The following UGT2B4 variants were observed in gnomAD, a reference collection of about 807,000 sequenced individuals.
The protein encoded by UGT2B4 is UDP glucuronosyltransferase family 2 member B4.
Under a neutral mutation model 49.8 loss-of-function variants are expected in UGT2B4, and 49 were observed. The observed-to-expected ratio is 0.98, with a 90% CI of 0.78 to 1.25. UGT2B4 has a LOEUF of 1.25. UGT2B4 is among the 50% of genes most tolerant of loss of function. UGT2B4 has a pLI of 0.00. For synonymous variants in UGT2B4, 246 were observed against 217.7 expected, an observed-to-expected ratio of 1.13 and a Z score of -1.14; for missense variants, 729 against 627.7, an observed-to-expected ratio of 1.16 and a Z score of -1.73.
chr4:69,520,367 G>A (rs1046435711), intron 1 of UGT2B4, among the ~76,000 whole-genome samples: 1 of 152,342 alleles, frequency 6.6e-6, no homozygotes, highest in East Asian at 1.9e-4. Context: ...CATGCTCCAC[G>A]GACTCAGTAG....
upstream of UGT2B4, among the ~76,000 whole-genome samples, chr4:69,500,508 G>A (rs371132900): frequency 9.9e-6 from 1 of 100,564 alleles, no homozygotes; most frequent in South Asian, 3.0e-4. Context: ...AAGAAAGAAG[G>A]AAGGAAGGAA....
At chr4:69,502,082 TCTTTCTCTC>T (rs1406355683) in intron 1 of UGT2B4, among the ~76,000 whole-genome samples, 13 of 79,108 alleles carry the variant, frequency 1.6e-4, no homozygotes, top group East Asian at 1.0e-3. Context: ...TTTCTTTCTT[TCTTTCTCTC>T]TCTTTCTTTC....
chr4:69,523,768 A>G (rs7673670), intron 1 of UGT2B4, among the ~76,000 whole-genome samples: 53,471 of 152,006 alleles, frequency 0.35, 9,513 homozygotes, highest in Non-Finnish European at 0.37. Flanking sequence ...CTCAAGTGAC[A>G]TATTTTTTCA....
chr4:69,508,490 G>C (rs1242541195), intron 1 of UGT2B4, among the ~76,000 whole-genome samples: 1 of 152,158 alleles, frequency 6.6e-6, no homozygotes, highest in Non-Finnish European at 1.5e-5. Flanking sequence ...AGAATATGTG[G>C]TACCTATACA....
chr4:69,507,189 T>C (rs1004647291), intron 1 of UGT2B4, among the ~76,000 whole-genome samples: 4 of 152,130 alleles, frequency 2.6e-5, no homozygotes, highest in African/African-American at 9.7e-5. Flanking sequence ...CTCTCACCAC[T>C]CCTAATCAAC....
chr4:69,516,586 A>T (rs2099285), intron 1 of UGT2B4, among the ~76,000 whole-genome samples: 19,694 of 152,058 alleles, frequency 0.13, 1,726 homozygotes, highest in Non-Finnish European at 0.19. Flanking sequence ...ATGATCAGTG[A>T]TGTGGACATT....
Position 69,480,698 on chromosome 4 carries a change from A to G in UGT2B4, c.1523T>C (p.Ile508Thr). Residue 508 changes from isoleucine (I) to threonine (T), a missense_variant, in exon 6 of 6, where the codon ATC becomes ACC. Transcript: ENST00000305107. The part of the protein sequence containing the change: ...LACVATVIFI[I>T]TKCLFCVWKF... ...CCAGACACAAAACAGACATTTTGTG[A>G]TGATGAATATCACAGTTGCCACACA... The G allele has an allele frequency of 1.2e-6, 2 of 1,614,048 alleles. No individual in the cohort carries two copies. The highest frequency in any genetic ancestry group is 2.2e-5 in the South Asian group (2 of 91,084).
intron 1 of UGT2B4, among the ~76,000 whole-genome samples, chr4:69,518,559 T>C (rs1398552591): frequency 1.3e-5 from 2 of 152,156 alleles, no homozygotes; most frequent in Non-Finnish European, 2.9e-5. Context: ...CAAACAGAAA[T>C]ACAATATGTC....
intron 5 of UGT2B4, among the ~76,000 whole-genome samples, chr4:69,484,588 T>C (rs1365438221): frequency 6.6e-6 from 1 of 152,140 alleles, no homozygotes; most frequent in Non-Finnish European, 1.5e-5. Flanking sequence ...GAGAATAATC[T>C]ATAGAGAAGG....
At chr4:69,491,202 A>G (rs1356174750) in intron 2 of UGT2B4, among the ~76,000 whole-genome samples, 4 of 151,938 alleles carry the variant, frequency 2.6e-5, no homozygotes, top group Non-Finnish European at 5.9e-5. Flanking sequence ...AAAACGTGTC[A>G]GCCTGTAATA....
At position 69,495,124 on chromosome 4, in the gene UGT2B4, T is replaced by C. The variant is rs1728105468; in HGVS notation, c.721+17A>G. ...GAAAGTTAGATCTTCATGTTACCAA[T>C]CAAAAAAGTTACTTACCTAGAACTT... On this transcript the variant is annotated intron_variant, in intron 1 of 5. Transcript: ENST00000305107. The C allele has an allele frequency of 6.6e-7, 1 of 1,508,196 alleles. No individual in the cohort carries two copies. Among genetic ancestry groups the C allele is most frequent in the South Asian group, 1.4e-5 (1 of 70,394 alleles). The allele number at this position is 1,508,196 out of a possible 1,614,324, so 93.4% of individuals were successfully genotyped here.
At chr4:69,505,950 A>G (rs1728457116) in intron 1 of UGT2B4, among the ~76,000 whole-genome samples, 1 of 151,890 alleles carries the variant, frequency 6.6e-6, no homozygotes, top group African/African-American at 2.4e-5. Flanking sequence ...ACTTTTGGGC[A>G]AATAATGACT....
intron 1 of UGT2B4, among the ~76,000 whole-genome samples, chr4:69,509,755 C>A (rs1440131812): frequency 1.3e-5 from 2 of 151,456 alleles, no homozygotes; most frequent in African/African-American, 4.9e-5. Context: ...GGTTTTTAAC[C>A]CCTTATCAGA....
At chr4:69,502,501 C>T (rs1728368051) in intron 1 of UGT2B4, among the ~76,000 whole-genome samples, 1 of 151,996 alleles carries the variant, frequency 6.6e-6, no homozygotes, top group Admixed American at 6.6e-5. Flanking sequence ...CTGGTAATAC[C>T]TTCAGGTACT....
chr4:69,502,484 T>G (rs7655968), intron 1 of UGT2B4, among the ~76,000 whole-genome samples: 31,320 of 151,824 alleles, frequency 0.21, 3,408 homozygotes, highest in African/African-American at 0.26. Flanking sequence ...CTGTTTCTCA[T>G]ATTTCACTGG....
At chr4:69,520,405 C>T (rs539679344) in intron 1 of UGT2B4, among the ~76,000 whole-genome samples, 1 of 152,242 alleles carries the variant, frequency 6.6e-6, no homozygotes, top group South Asian at 2.1e-4. Context: ...GAGCCCCATC[C>T]TTTTCTGAGT....
At chr4:69,501,445 G>A (rs1728316593) in intron 1 of UGT2B4, among the ~76,000 whole-genome samples, 1 of 152,164 alleles carries the variant, frequency 6.6e-6, no homozygotes, top group South Asian at 2.1e-4. Context: ...CTCGCAAGAG[G>A]TGTGGGCTGC....
upstream of UGT2B4, among the ~76,000 whole-genome samples, chr4:69,499,662 T>G (rs1022278932): frequency 1.3e-5 from 2 of 152,220 alleles, no homozygotes; most frequent in Admixed American, 6.5e-5. Flanking sequence ...AAGTCTCTTT[T>G]GTCAGAAATT....
chr4:69,491,880 G>A (rs1282468778), intron 2 of UGT2B4, among the ~76,000 whole-genome samples: 2 of 151,962 alleles, frequency 1.3e-5, no homozygotes, highest in Non-Finnish European at 2.9e-5. Flanking sequence ...ATTCAACATA[G>A]ATATTGGATT....
Sources: gnomAD v4.1 joint callset for allele counts (sites outside exome capture counted in the v4.1 genomes callset) on GRCh38, gnomAD v4.1.1 for gene constraint, MANE v1.5 for transcripts, NCBI Gene and HGNC (gene_info 2026-07-23, HGNC 2026-07-21) for gene names.